The following TMEM117 variants were observed in gnomAD, a reference collection of about 807,000 sequenced individuals.
The protein encoded by TMEM117 is transmembrane protein 117.
Under a neutral mutation model 52.4 loss-of-function variants are expected in TMEM117, and 27 were observed. The ratio of observed to expected loss-of-function variants is 0.51; its 90% CI spans 0.38 to 0.71. TMEM117 has a LOEUF of 0.71. Among genes scored for constraint, TMEM117 ranks in the 30% least tolerant of loss-of-function variants. TMEM117 has a pLI of 0.00. For missense variants in TMEM117, 556 were observed against 630.5 expected, an observed-to-expected ratio of 0.88 and a Z score of 1.26; for synonymous variants, 215 against 206.3, an observed-to-expected ratio of 1.04 and a Z score of -0.36.
chr12:44,358,713 A>G (rs1951683438), intron 6 of TMEM117, among the ~76,000 whole-genome samples: 1 of 152,178 alleles, frequency 6.6e-6, no homozygotes, highest in Non-Finnish European at 1.5e-5. Flanking sequence ...TAAAGATGGT[A>G]CATGAAAACT....
intron 2 of TMEM117, among the ~76,000 whole-genome samples, chr12:43,917,038 G>A (rs891999268): frequency 6.7e-6 from 1 of 149,426 alleles, no homozygotes; most frequent in Non-Finnish European, 1.5e-5. Context: ...CCTATGCCCA[G>A]TTTTAGATGT....
At chr12:43,845,530 C>T (rs1592301343) in intron 2 of TMEM117, among the ~76,000 whole-genome samples, 1 of 140,578 alleles carries the variant, frequency 7.1e-6, no homozygotes, top group Non-Finnish European at 1.5e-5. Context: ...TTTTTAAAAA[C>T]TTTTTTTATT....
At chr12:44,362,163 A>G (rs1951729674) in intron 6 of TMEM117, among the ~76,000 whole-genome samples, 1 of 151,874 alleles carries the variant, frequency 6.6e-6, no homozygotes, top group South Asian at 2.1e-4. Flanking sequence ...ACATATCACC[A>G]CGTATTTGGC....
the TMEM117 span, among the ~76,000 whole-genome samples, chr12:43,807,119 T>TG: frequency 6.6e-6 from 1 of 152,156 alleles, no homozygotes; most frequent in African/African-American, 2.4e-5. Flanking sequence ...GTTAGTTTTG[T>TG]GGGGGGTTTG....
intron 3 of TMEM117, among the ~76,000 whole-genome samples, chr12:44,021,459 G>T (rs2137834893): frequency 6.6e-6 from 1 of 152,298 alleles, no homozygotes; most frequent in African/African-American, 2.4e-5. Flanking sequence ...GCTAAAGAAG[G>T]CCCTGGTGTA....
At chr12:44,332,209 G>A (rs1367694761) in intron 6 of TMEM117, among the ~76,000 whole-genome samples, 1 of 152,030 alleles carries the variant, frequency 6.6e-6, no homozygotes, top group Non-Finnish European at 1.5e-5. Flanking sequence ...TAAAATGGGG[G>A]TAATAAAACT....
intron 6 of TMEM117, among the ~76,000 whole-genome samples, chr12:44,342,716 C>T (rs1414014704): frequency 6.6e-6 from 1 of 150,604 alleles, no homozygotes; most frequent in Non-Finnish European, 1.5e-5. Flanking sequence ...AAATTATTGT[C>T]TTATTATCAT....
chr12:44,221,644 C>T (rs1380322918), intron 5 of TMEM117, among the ~76,000 whole-genome samples: 1 of 152,032 alleles, frequency 6.6e-6, no homozygotes, highest in East Asian at 1.9e-4. Flanking sequence ...TTTCAGAGAA[C>T]TCAGTCTTAT....
chr12:43,922,467 G>A (rs1944711144), intron 2 of TMEM117, among the ~76,000 whole-genome samples: 1 of 152,110 alleles, frequency 6.6e-6, no homozygotes, highest in African/African-American at 2.4e-5. Context: ...AAATATTTAT[G>A]TGCTTTTGTA....
At chr12:44,021,099 G>A (rs958336832) in intron 3 of TMEM117, among the ~76,000 whole-genome samples, 1 of 152,106 alleles carries the variant, frequency 6.6e-6, no homozygotes, top group Non-Finnish European at 1.5e-5. Context: ...AGATTTGTGT[G>A]TGTATATACG....
At chr12:43,939,768 G>A (rs1469908447) in intron 2 of TMEM117, among the ~76,000 whole-genome samples, 1 of 152,082 alleles carries the variant, frequency 6.6e-6, no homozygotes, top group African/African-American at 2.4e-5. Flanking sequence ...GTATTAGTCT[G>A]TTCTCATTCT....
intron 5 of TMEM117, among the ~76,000 whole-genome samples, chr12:44,237,866 T>C (rs1388931345): frequency 6.6e-6 from 1 of 152,258 alleles, no homozygotes; most frequent in Non-Finnish European, 1.5e-5. Context: ...ACAGATGAAA[T>C]AGTATCAGTT....
chr12:44,116,944 C>T (rs571127978), intron 3 of TMEM117, among the ~76,000 whole-genome samples: 1 of 152,180 alleles, frequency 6.6e-6, no homozygotes, highest in Non-Finnish European at 1.5e-5. Flanking sequence ...CCTTATGAAT[C>T]TCCATGTTGT....
At chr12:44,393,258 G>A (rs764714301), downstream of TMEM117, among the ~76,000 whole-genome samples, 1 of 151,978 alleles carries the variant, frequency 6.6e-6, no homozygotes, top group African/African-American at 2.4e-5. Context: ...GCTTTTTAAG[G>A]ACTTACATAA....
chr12:44,224,275 C>G (rs1949829677), intron 5 of TMEM117, among the ~76,000 whole-genome samples: 1 of 152,132 alleles, frequency 6.6e-6, no homozygotes, highest in Non-Finnish European at 1.5e-5. Flanking sequence ...CATCTTTTAT[C>G]TATACATCTT....
intron 3 of TMEM117, among the ~76,000 whole-genome samples, chr12:43,953,287 AT>A (rs1253955917): frequency 6.6e-6 from 1 of 152,190 alleles, no homozygotes; most frequent in Non-Finnish European, 1.5e-5. Context: ...ACAGGATCAA[AT>A]TCATACGTAA....
intron 5 of TMEM117, among the ~76,000 whole-genome samples, chr12:44,291,132 A>G (rs2138620842): frequency 6.6e-6 from 1 of 152,284 alleles, no homozygotes; most frequent in Non-Finnish European, 1.5e-5. Context: ...GAAGATAGGA[A>G]GTATTCCATT....
At chr12:44,002,506 A>T (rs1157232782) in intron 3 of TMEM117, among the ~76,000 whole-genome samples, 1 of 152,072 alleles carries the variant, frequency 6.6e-6, no homozygotes, top group Non-Finnish European at 1.5e-5. Context: ...GGGACAAGGG[A>T]AATCTTTCTA....
chr12:44,253,329 G>A (rs1298667021), intron 5 of TMEM117, among the ~76,000 whole-genome samples: 2 of 152,150 alleles, frequency 1.3e-5, no homozygotes, highest in African/African-American at 4.8e-5. Flanking sequence ...CACCATATTT[G>A]AAGGGATGTT....
Sources: gnomAD v4.1 joint callset for allele counts (sites outside exome capture counted in the v4.1 genomes callset) on GRCh38, gnomAD v4.1.1 for gene constraint, MANE v1.5 for transcripts, NCBI Gene and HGNC (gene_info 2026-07-23, HGNC 2026-07-21) for gene names.